The following SBF2 variants were observed in gnomAD, a reference collection of about 807,000 sequenced individuals.
SBF2 encodes myotubularin-related protein 13.
A neutral mutation model predicts 225.2 loss-of-function variants in SBF2; 112 were observed. The observed-to-expected ratio is 0.50, with a 90% CI of 0.43 to 0.58. The LOEUF is 0.58. Among genes scored for constraint, SBF2 ranks in the 20% least tolerant of loss-of-function variants. The pLI is 0.00. For synonymous variants in SBF2, 763 were observed against 773.3 expected (o/e 0.99, Z 0.22); for missense variants, 1,996 against 2,206.2 (o/e 0.90, Z 1.91).
At chr11:10,276,778 G>A (rs2135549763) in intron 1 of SBF2, among the ~76,000 whole-genome samples, 1 of 152,188 alleles carries the variant, frequency 6.6e-6, no homozygotes, top group South Asian at 2.1e-4. Context: ...GATAGTCTCT[G>A]CTTGTAAAAC....
chr11:10,163,204 T>C (rs962783530), intron 2 of SBF2, among the ~76,000 whole-genome samples: 1 of 152,178 alleles, frequency 6.6e-6, no homozygotes, highest in Non-Finnish European at 1.5e-5. Context: ...ATTTTCAATA[T>C]GGTTCTTTAA....
chr11:10,160,379 A>C (rs1043366719), intron 2 of SBF2, among the ~76,000 whole-genome samples: 4 of 152,138 alleles, frequency 2.6e-5, no homozygotes, highest in African/African-American at 7.2e-5. Flanking sequence ...TCCATCCCTA[A>C]TCTCTATTTT....
At chr11:10,222,895 G>A (rs1289298075) in intron 1 of SBF2, among the ~76,000 whole-genome samples, 1 of 151,988 alleles carries the variant, frequency 6.6e-6, no homozygotes, top group Non-Finnish European at 1.5e-5. Flanking sequence ...AATTACCCAG[G>A]ACAGATAATG....
rs1354739261 is a variant in SBF2 at position 10,095,116 on chromosome 11, T to A, written c.142-52135A>T. 4.0e-5 allele frequency among the ~76,000 whole-genome samples: 6 copies of A among 151,732 alleles called. No homozygotes were observed. The East Asian group carries it at 7.7e-4, about 20-fold the overall frequency. On this transcript the variant is annotated intron_variant, in intron 2 of 39. Coordinates refer to ENST00000256190, the MANE Select transcript of SBF2 (RefSeq NM_030962.4). The stretch of plus-strand genomic sequence containing the variant: ...AATTTTTTTTTTTGTACAGACAAGG[T>A]CTTGCTATGTTGCCCAGGCTAGTCT...
chr11:9,889,494 T>G (rs2134113742), intron 17 of SBF2, among the ~76,000 whole-genome samples: 1 of 152,322 alleles, frequency 6.6e-6, no homozygotes, highest in Non-Finnish European at 1.5e-5. Context: ...CAGGTAGAAA[T>G]GTAAATTTAT....
At chr11:9,976,316 C>T (rs1946680887) in intron 13 of SBF2, among the ~76,000 whole-genome samples, 1 of 152,156 alleles carries the variant, frequency 6.6e-6, no homozygotes, top group Non-Finnish European at 1.5e-5. Flanking sequence ...TCATGATCTG[C>T]CCGCCTCGGT....
At chr11:9,886,641 A>C (rs1860330457) in intron 17 of SBF2, among the ~76,000 whole-genome samples, 1 of 149,844 alleles carries the variant, frequency 6.7e-6, no homozygotes, top group Non-Finnish European at 1.5e-5. Flanking sequence ...GTGCAGTAGC[A>C]CCATCGTGTT....
chr11:9,886,518 C>T (rs1221388745), intron 17 of SBF2, among the ~76,000 whole-genome samples: 1 of 147,626 alleles, frequency 6.8e-6, no homozygotes, highest in Non-Finnish European at 1.5e-5. Flanking sequence ...CATAGAAGTC[C>T]AAGCTACGGG....
At chr11:9,836,858 T>A (rs1360458146) in intron 26 of SBF2, among the ~76,000 whole-genome samples, 1 of 152,168 alleles carries the variant, frequency 6.6e-6, no homozygotes, top group Non-Finnish European at 1.5e-5. Flanking sequence ...CAAAATAGCA[T>A]CACTTTTTGA....
chr11:10,294,954 C>T (rs1226208655), upstream of SBF2, among the ~76,000 whole-genome samples: 1 of 152,270 alleles, frequency 6.6e-6, no homozygotes, highest in African/African-American at 2.4e-5. Context: ...CCTGCTCAAA[C>T]ATGCACAAAA....
chr11:9,839,063 GCA>G (rs1160028500), intron 26 of SBF2: 2 of 233,320 alleles, frequency 8.6e-6, no homozygotes, highest in East Asian at 2.1e-4. Flanking sequence ...TGCTTTTGCG[GCA>G]CAGTTGAATA....
intron 2 of SBF2, among the ~76,000 whole-genome samples, chr11:10,057,626 G>C (rs1200697709): frequency 6.6e-6 from 1 of 152,156 alleles, no homozygotes; most frequent in Non-Finnish European, 1.5e-5. Flanking sequence ...CCACTACTAA[G>C]ATTTCTTCCT....
chr11:9,955,407 T>C (rs1866096998), intron 16 of SBF2, among the ~76,000 whole-genome samples: 1 of 152,102 alleles, frequency 6.6e-6, no homozygotes, highest in South Asian at 2.1e-4. Flanking sequence ...AAGAAATTTT[T>C]CCATATCAGT....
chr11:9,958,671 G>A, intron 16 of SBF2: 2 of 312,600 alleles, frequency 6.4e-6, no homozygotes, highest in Non-Finnish European at 1.3e-5. Flanking sequence ...TAGGACAACT[G>A]GGAGAGGGGA....
At chr11:9,809,107 G>C in intron 30 of SBF2, 105 bp from the exon 31 acceptor site, 1 of 781,954 alleles carries the variant, frequency 1.3e-6, no homozygotes. Flanking sequence ...TAGGGATAAA[G>C]CGCTTGCACA....
intron 1 of SBF2, among the ~76,000 whole-genome samples, chr11:10,195,122 A>C (rs1957311427): frequency 6.6e-6 from 1 of 152,174 alleles, no homozygotes; most frequent in African/African-American, 2.4e-5. Context: ...CACTACTGAC[A>C]TTTGCAGATG....
At chr11:10,250,629 G>A (rs1565400776) in intron 1 of SBF2, among the ~76,000 whole-genome samples, 1 of 152,168 alleles carries the variant, frequency 6.6e-6, no homozygotes, top group Non-Finnish European at 1.5e-5. Flanking sequence ...CATTTTCAAT[G>A]CATGTTTTAT....
chr11:10,200,079 C>T (rs956745317), intron 1 of SBF2, among the ~76,000 whole-genome samples: 2 of 151,988 alleles, frequency 1.3e-5, no homozygotes, highest in African/African-American at 2.4e-5. Context: ...CATTTATCTG[C>T]GTTTTGATTG....
intron 25 of SBF2, among the ~76,000 whole-genome samples, chr11:9,840,600 G>A (rs1006212507): frequency 2.6e-5 from 4 of 152,124 alleles, no homozygotes; most frequent in Non-Finnish European, 5.9e-5. Context: ...GTTTGTCAGA[G>A]GCTAACCCAT....
Sources: allele counts gnomAD v4.1 joint callset (sites outside exome capture counted in the v4.1 genomes callset), GRCh38; gene constraint gnomAD v4.1.1; transcripts MANE v1.5; gene names NCBI Gene and HGNC (gene_info 2026-07-23, HGNC 2026-07-21).